The following SASH1 variants were observed in gnomAD, a reference collection of about 807,000 sequenced individuals.
The protein encoded by SASH1 is SAM and SH3 domain containing 1.
A neutral mutation model predicts 125.2 loss-of-function variants in SASH1; 44 were observed. That is an observed-to-expected ratio of 0.35 (90% CI 0.28 to 0.45). The LOEUF (loss-of-function observed/expected upper bound fraction) is 0.45. Ranked by LOEUF, SASH1 falls within the 20% of genes least tolerant of loss-of-function variation. The pLI, the probability that SASH1 is intolerant of heterozygous loss-of-function variation, is 1.00. For missense variants in SASH1, 1,426 were observed against 1,614.5 expected (o/e 0.88, Z 2.00); for synonymous variants, 639 against 649.1 (o/e 0.98, Z 0.24).
chr6:148,365,286 A>G (rs1782404084), intron 1 of SASH1, among the ~76,000 whole-genome samples: 1 of 152,180 alleles, frequency 6.6e-6, no homozygotes, highest in African/African-American at 2.4e-5. Flanking sequence ...TGACATTGCA[A>G]AATCAGTATT....
At chr6:148,208,831 A>G in the SASH1 span, among the ~76,000 whole-genome samples, 1 of 152,368 alleles carries the variant, frequency 6.6e-6, no homozygotes, top group African/African-American at 2.4e-5. Flanking sequence ...ATAGAAACTG[A>G]CTGAATACGG....
At chr6:148,211,792 A>G in the SASH1 span, among the ~76,000 whole-genome samples, 1 of 152,148 alleles carries the variant, frequency 6.6e-6, no homozygotes, top group Non-Finnish European at 1.5e-5. Flanking sequence ...GCCAGGTGCC[A>G]TGATGTGGGT....
chr6:148,392,488 C>T (rs1044675970), intron 2 of SASH1, among the ~76,000 whole-genome samples: 1 of 152,106 alleles, frequency 6.6e-6, no homozygotes, highest in African/African-American at 2.4e-5. Context: ...TGTGAGTCCT[C>T]TCATACAAGG....
At chr6:148,509,709 T>G (rs771805030) in intron 8 of SASH1, among the ~76,000 whole-genome samples, 2 of 152,252 alleles carry the variant, frequency 1.3e-5, no homozygotes, top group Non-Finnish European at 2.9e-5. Context: ...GAAGTATCTG[T>G]TACCGACCAG....
intron 1 of SASH1, among the ~76,000 whole-genome samples, chr6:148,330,333 C>T (rs1018779115): frequency 6.6e-6 from 1 of 152,114 alleles, no homozygotes; most frequent in Non-Finnish European, 1.5e-5. Context: ...GATGGCACCT[C>T]AAAGAAGCAG....
chr6:148,447,395 T>G (rs1419766473), intron 4 of SASH1, among the ~76,000 whole-genome samples: 1 of 152,226 alleles, frequency 6.6e-6, no homozygotes, highest in Non-Finnish European at 1.5e-5. Context: ...GGACAATGCT[T>G]CGCTCTCAGG....
At chr6:148,524,121 A>ATATATATTTT (rs1193506716) in intron 10 of SASH1, among the ~76,000 whole-genome samples, 1 of 128,610 alleles carries the variant, frequency 7.8e-6, no homozygotes, top group Non-Finnish European at 1.6e-5. Flanking sequence ...ATATATATAT[A>ATATATATTTT]TTTTTTTTAA....
At chr6:148,311,907 TG>T (rs1483679839) in intron 1 of SASH1, among the ~76,000 whole-genome samples, 7 of 152,220 alleles carry the variant, frequency 4.6e-5, no homozygotes, top group Non-Finnish European at 2.9e-5. Flanking sequence ...CTGCTTCAAC[TG>T]GTAAACAGGT....
chr6:148,245,252 G>A, the SASH1 span, among the ~76,000 whole-genome samples: 2 of 152,064 alleles, frequency 1.3e-5, no homozygotes, highest in African/African-American at 2.4e-5. Context: ...TCTCAAATAC[G>A]GTTCTATCAA....
rs755340800 is a variant in SASH1, at chr6:148,531,357, T to C, written c.1429-169T>C. ...TAAATAGTGACATTGGCCACGACTT[T>C]AAAAGTAAGCGAGGATGTAAGTTTA... is the stretch of plus-strand genomic sequence containing the variant. On this transcript the variant is annotated intron_variant, in intron 12 of 19. Coordinates refer to ENST00000367467, the MANE Select transcript of SASH1 (RefSeq NM_015278.5). Among the ~76,000 whole-genome samples the C allele has an allele frequency of 1.7e-4, 26 of 152,308 alleles. No individual in the cohort carries two copies. In the Middle Eastern group the frequency reaches 0.014, roughly 80 times the overall value.
At chr6:148,321,451 G>A (rs1320102869) in intron 1 of SASH1, among the ~76,000 whole-genome samples, 1 of 150,672 alleles carries the variant, frequency 6.6e-6, no homozygotes, top group Non-Finnish European at 1.5e-5. Context: ...TCAAAATGAA[G>A]CTCTTTGTCC....
chr6:148,461,702 C>T (rs1777616469), intron 4 of SASH1, among the ~76,000 whole-genome samples: 1 of 152,154 alleles, frequency 6.6e-6, no homozygotes. Flanking sequence ...GAAAGGGTGA[C>T]TCTTGAGTTT....
chr6:148,306,622 T>G (rs1478689529), intron 1 of SASH1, among the ~76,000 whole-genome samples: 1 of 152,140 alleles, frequency 6.6e-6, no homozygotes, highest in African/African-American at 2.4e-5. Context: ...GCCCCTCTTT[T>G]GTTTTATTGA....
chr6:148,234,015 A>G, the SASH1 span, among the ~76,000 whole-genome samples: 12 of 151,998 alleles, frequency 7.9e-5, no homozygotes, highest in African/African-American at 2.4e-4. Flanking sequence ...TGAAATGAGT[A>G]CCACTTAGGT....
At chr6:148,224,024 T>C in the SASH1 span, among the ~76,000 whole-genome samples, 1 of 152,222 alleles carries the variant, frequency 6.6e-6, no homozygotes, top group East Asian at 1.9e-4. Context: ...CCAGGCACAG[T>C]GGCTTATGCC....
rs534487850 is a variant in SASH1 at position 148,528,955 on chromosome 6, A to G, written c.1428+1359A>G. On this transcript the variant is annotated intron_variant, in intron 12 of 19. Transcript: ENST00000367467. Reference sequence around the variant, plus strand: ...TCTGGGGATGATGGGAGACAGTGACAGATCATCAGGCATTAGATTCTCATA... The same window carrying G: ...TCTGGGGATGATGGGAGACAGTGACGGATCATCAGGCATTAGATTCTCATA... Among the ~76,000 whole-genome samples the G allele has an allele frequency of 2.6e-5, 4 of 152,222 alleles. No individual in the cohort carries two copies. The East Asian group carries it at 7.7e-4, about 29-fold the overall frequency.
rs1783627745 is a variant in SASH1 at position 148,389,883 on chromosome 6, G to A, written c.157-251G>A. Among the ~76,000 whole-genome samples the A allele has an allele frequency of 2.6e-5, 4 of 152,192 alleles. No individual in the cohort carries two copies. In the South Asian group the frequency reaches 8.3e-4, roughly 31 times the overall value. On this transcript the variant is annotated intron_variant, in intron 1 of 19. Transcript: ENST00000367467. The stretch of plus-strand genomic sequence containing the variant: ...TGGCCTCTGTGCTTCTTAGTCCTGG[G>A]ATTTGTGGGCAGTCGCTCAACTTCT...
Position 148,548,285 on chromosome 6 carries a change from A to G in SASH1, c.3481-10A>G, listed in dbSNP as rs1333788577. On this transcript the variant is annotated splice_polypyrimidine_tract_variant and intron_variant, in intron 19 of 19. Coordinates refer to ENST00000367467, the MANE Select transcript of SASH1 (RefSeq NM_015278.5). The stretch of plus-strand genomic sequence containing the variant: ...AGCGTTTCTATCATATTCTTTCTTA[A>G]TTTATCCAGATTCCAAGTGGTGGAC... 6.2e-7 allele frequency: 1 copy of G among 1,601,684 alleles called. No individual in the cohort carries two copies. The highest frequency in any genetic ancestry group is 8.5e-7 in the Non-Finnish European group (1 of 1,173,872).
intron 1 of SASH1, among the ~76,000 whole-genome samples, chr6:148,350,331 A>G (rs1281342483): frequency 1.3e-5 from 2 of 152,218 alleles, no homozygotes; most frequent in Non-Finnish European, 2.9e-5. Context: ...ATCCATGTAT[A>G]TATGTACAAA....
Sources: allele counts gnomAD v4.1 joint callset (sites outside exome capture counted in the v4.1 genomes callset), GRCh38; gene constraint gnomAD v4.1.1; transcripts MANE v1.5; gene names NCBI Gene and HGNC (gene_info 2026-07-23, HGNC 2026-07-21).